Variants in PCDHA7 observed in about 807,000 individuals in gnomAD.
PCDHA7 encodes protocadherin alpha-7.
In PCDHA7, 37 loss-of-function variants were observed where a neutral mutation model predicts 57.2. The observed-to-expected ratio is 0.65, with a 90% CI of 0.50 to 0.85. The LOEUF (loss-of-function observed/expected upper bound fraction) is 0.85. Ranked by LOEUF, PCDHA7 falls within the 40% of genes least tolerant of loss-of-function variation. PCDHA7 has a pLI of 0.00. For synonymous variants in PCDHA7, 553 were observed against 558.8 expected (o/e 0.99, Z 0.15); for missense variants, 1,188 against 1,241.8 (o/e 0.96, Z 0.65).
chr5:140,967,687 C>T (rs1173018126), intron 1 of PCDHA7: 1 of 1,614,094 alleles, frequency 6.2e-7, no homozygotes, highest in Non-Finnish European at 8.5e-7. Context: ...AGAGGCAGCT[C>T]TTCAGCATAG....
chr5:140,949,961 G>A lies in PCDHA7; in HGVS notation c.2356-28988G>A, dbSNP rs373865946. ...TTGCATTTTTTAGTGGTTGCTGTAA[G>A]GATTACAGCATACATACTTAACTTT... On this transcript the variant is annotated intron_variant, in intron 1 of 3. Transcript: ENST00000525929. Among the ~76,000 whole-genome samples, 68 of 151,658 alleles carry A rather than the reference G, an allele frequency of 4.5e-4. 1 individual carries two copies. The East Asian group carries it at 0.012, about 28-fold the overall frequency.
At position 140,841,487 on chromosome 5, in the gene PCDHA7, C is replaced by G. The variant is rs2150316541; in HGVS notation, c.2355+4749C>G. The G allele has an allele frequency of 6.2e-7, 1 of 1,613,022 alleles. No homozygotes were observed. Among genetic ancestry groups the G allele is most frequent in the Non-Finnish European group, 8.5e-7 (1 of 1,179,924 alleles). On this transcript the variant is annotated intron_variant, in intron 1 of 3. Transcript: ENST00000525929. ...GATCGCGCAGGACCTGGGGCTGGAG[C>G]TGGCGGAGCTGGTGCCGCGCCTGTT...
At chr5:140,960,743 G>A (rs1328860955) in intron 1 of PCDHA7, among the ~76,000 whole-genome samples, 3 of 151,482 alleles carry the variant, frequency 2.0e-5, no homozygotes, top group Non-Finnish European at 4.4e-5. Flanking sequence ...TTTAGTCCAT[G>A]GCTAAAATCC....
rs367885958 is a variant in PCDHA7, at chr5:140,884,427, C to G, written c.2355+47689C>G. The G allele has an allele frequency of 2.5e-5, 40 of 1,613,840 alleles. No individual in the cohort carries two copies. The African/African-American group carries it at 5.1e-4, about 20-fold the overall frequency. ...GTGCTCACGTTGCTGCTGTATACTG[C>G]GCTGCGGTGCTCGGCACCGCCCACC... is the stretch of plus-strand genomic sequence containing the variant. On this transcript the variant is annotated intron_variant, in intron 1 of 3. Coordinates refer to ENST00000525929, the MANE Select transcript of PCDHA7 (RefSeq NM_018910.3).
At chr5:140,842,412 A>T in intron 1 of PCDHA7, 1 of 1,613,004 alleles carries the variant, frequency 6.2e-7, no homozygotes, top group East Asian at 2.2e-5. Context: ...GAAGACGCTC[A>T]ATTTGGTACT....
intron 1 of PCDHA7, among the ~76,000 whole-genome samples, chr5:140,846,800 G>A (rs1554141497): frequency 6.7e-6 from 1 of 149,352 alleles, no homozygotes; most frequent in African/African-American, 2.5e-5. Flanking sequence ...CCCAGCCCCT[G>A]GCTTTAAAAT....
Position 140,843,081 on chromosome 5 carries a change from C to G in PCDHA7, c.2355+6343C>G, listed in dbSNP as rs2150352051. 5.6e-6 allele frequency: 9 copies of G among 1,595,424 alleles called. No homozygotes were observed. The African/African-American group carries it at 8.1e-5, about 14-fold the overall frequency. ...AAGCTGGTGCCGCGGTCTGTGGGCG[C>G]GGGCCACGTGGTAGCGAAGGTGCGC... On this transcript the variant is annotated intron_variant, in intron 1 of 3. Coordinates refer to ENST00000525929, the MANE Select transcript of PCDHA7 (RefSeq NM_018910.3).
intron 1 of PCDHA7, among the ~76,000 whole-genome samples, chr5:140,872,551 C>T (rs574173970): frequency 6.6e-6 from 1 of 152,178 alleles, no homozygotes; most frequent in East Asian, 1.9e-4. Flanking sequence ...CCCCTGAACC[C>T]AGGGGTTCAG....
At chr5:140,928,790 GGGT>G in intron 1 of PCDHA7, 1 of 1,614,176 alleles carries the variant, frequency 6.2e-7, no homozygotes. Flanking sequence ...GTTAAGCAGA[GGGT>G]GGTGGTAGTG....
In PCDHA7 at chr5:140,836,527, T is replaced by C. The variant is rs2150262895; in HGVS notation, c.2144T>C (p.Leu715Pro). The stretch of plus-strand genomic sequence containing the variant: ...GTGTCCAGTCTGTTGGTGCTTACCC[T>C]GCTGCTGTACACGGCGTTGCGGTGC... Reference protein sequence around the residue: ...CAVSSLLVLTLLLYTALRCSA... With the variant: ...CAVSSLLVLTPLLYTALRCSA... Residue 715 changes from leucine (L) to proline (P), a missense_variant, in exon 1 of 4, where the codon CTG (leucine) becomes CCG (proline). Transcript: ENST00000525929. 29 of 1,613,850 alleles carry C rather than the reference T, an allele frequency of 1.8e-5. No individual in the cohort carries two copies. The highest frequency in any genetic ancestry group is 2.5e-5 in the Non-Finnish European group (29 of 1,179,838).
chr5:140,848,583 C>T (rs2040479456), intron 1 of PCDHA7: 1 of 1,595,014 alleles, frequency 6.3e-7, no homozygotes, highest in Non-Finnish European at 8.6e-7. Flanking sequence ...GGGGAGCGGC[C>T]AGCTCCACTA....
In PCDHA7 at chr5:141,011,512, G is replaced by A. The variant is rs561564688; in HGVS notation, c.*1575G>A. On this transcript the variant is annotated 3_prime_UTR_variant, in exon 4 of 4. Coordinates refer to ENST00000525929, the MANE Select transcript of PCDHA7 (RefSeq NM_018910.3). ...TGTACACCTGTGAAAAAGTGGAGTAGTGTTTTTTTAACCATTGTTAATCAG... is the reference window on the plus strand; with the variant it reads ...TGTACACCTGTGAAAAAGTGGAGTAATGTTTTTTTAACCATTGTTAATCAG... 9 of 153,844 alleles carry A rather than the reference G, an allele frequency of 5.9e-5. No homozygotes were observed. Among genetic ancestry groups the A allele is most frequent in the African/African-American group, 2.2e-4 (9 of 41,570 alleles). 9.5% of individuals were successfully genotyped at this position (153,844 alleles called of 1,614,324 possible).
At chr5:140,851,764 C>T (rs1282695804) in intron 1 of PCDHA7, 1 of 969,228 alleles carries the variant, frequency 1.0e-6, no homozygotes, top group Non-Finnish European at 1.2e-6. Context: ...AAAACATTAC[C>T]CTTATGAATT....
intron 1 of PCDHA7, chr5:140,926,719 A>C: frequency 2.0e-6 from 2 of 986,548 alleles, no homozygotes; most frequent in Non-Finnish European, 2.7e-6. Context: ...AGCCCCGGCA[A>C]TGCCGGCGTT....
At chr5:140,920,638 G>T (rs1245142321) in intron 1 of PCDHA7, among the ~76,000 whole-genome samples, 2 of 152,114 alleles carry the variant, frequency 1.3e-5, no homozygotes, top group African/African-American at 4.8e-5. Flanking sequence ...AAGGTCAAGA[G>T]ATTGAGACCA....
chr5:140,842,399 C>A, intron 1 of PCDHA7: 1 of 1,611,446 alleles, frequency 6.2e-7, no homozygotes, highest in Non-Finnish European at 8.5e-7. Flanking sequence ...CTTGCCTGTA[C>A]GTGAAGACGC....
At position 140,835,349 on chromosome 5, in the gene PCDHA7, T is replaced by C. The variant is rs2150234349; in HGVS notation, c.966T>C (p.Ala322=). ...GAGCACACAAGATCCCAGTCGAGGC[T>C]GTCGATAAAGGCTTCCCACCCCTGG... ...ESRAHKIPVE[A]VDKGFPPLAG... is the part of the protein sequence containing the mutation. The change falls in exon 1 of 4, where the codon GCT becomes GCC. Residue 322 remains alanine (A), a synonymous_variant. Coordinates refer to ENST00000525929, the MANE Select transcript of PCDHA7 (RefSeq NM_018910.3). 5.4e-5 allele frequency: 87 copies of C among 1,613,822 alleles called. No individual in the cohort carries two copies. In the Middle Eastern group the frequency reaches 9.9e-4, roughly 18 times the overall value.
At chr5:140,852,947 T>C in intron 1 of PCDHA7, 2 of 520,496 alleles carry the variant, frequency 3.8e-6, no homozygotes, top group Non-Finnish European at 2.5e-6. Flanking sequence ...GGTGCCATCT[T>C]GGCTCACTCC....
chr5:140,867,131 T>A (rs769857763), intron 1 of PCDHA7: 12 of 152,188 alleles, frequency 7.9e-5, no homozygotes, highest in African/African-American at 2.9e-4. Context: ...TTCAAATATG[T>A]GATATTATCA....
Sources: gnomAD v4.1 joint callset for allele counts (sites outside exome capture counted in the v4.1 genomes callset) on GRCh38, gnomAD v4.1.1 for gene constraint, MANE v1.5 for transcripts, NCBI Gene and HGNC (gene_info 2026-07-23, HGNC 2026-07-21) for gene names.